The following MARF1 variants were observed in gnomAD, a reference collection of about 807,000 sequenced individuals.
The protein encoded by MARF1 is limkain-b1.
A neutral mutation model predicts 168.2 loss-of-function variants in MARF1; 24 were observed. The observed-to-expected ratio is 0.14, with a 90% CI of 0.10 to 0.20. The LOEUF is 0.20. MARF1 is among the 10% of genes least tolerant of loss of function. MARF1 has a pLI of 1.00. For synonymous variants in MARF1, 868 were observed against 822.4 expected, an observed-to-expected ratio of 1.06 and a Z score of -0.95; for missense variants, 1,744 against 2,143.6, an observed-to-expected ratio of 0.81 and a Z score of 3.68.
intron 23 of MARF1, chr16:15,601,742 A>C: frequency 1.7e-6 from 1 of 574,258 alleles, no homozygotes; most frequent in East Asian, 2.9e-5. Context: ...TCTCCCATTA[A>C]CCAACACCTT....
chr16:15,641,963 A>G (rs775027479), intron 1 of MARF1, among the ~76,000 whole-genome samples: 9 of 152,170 alleles, frequency 5.9e-5, no homozygotes, highest in Non-Finnish European at 1.2e-4. Flanking sequence ...GACCAATTCA[A>G]TGAGGAGAGC....
At chr16:15,610,902 A>T in intron 19 of MARF1, 73 bp downstream of exon 19, 2 of 1,461,998 alleles carry the variant, frequency 1.4e-6, no homozygotes, top group Non-Finnish European at 1.9e-6. Flanking sequence ...GGAAAACCAC[A>T]TCTTCCATGC....
rs746118685 is a variant in MARF1, at chr16:15,621,831, G to A, written c.2541C>T (p.Ile847=). ...VVQMENLQDA[I]GAVNSLHRYK... is the part of the protein sequence containing the mutation. ...ATCTGTGGAGGCTATTCACTGCACC[G>A]ATCGCATCTTGTAAGTTTTCCATTT... Residue 847 remains isoleucine (I), a synonymous_variant, in exon 12 of 27, where the codon ATC becomes ATT. Coordinates refer to ENST00000396368, the MANE Select transcript of MARF1 (RefSeq NM_014647.4). The A allele has an allele frequency of 5.6e-6, 9 of 1,613,962 alleles. No homozygotes were observed. The highest frequency in any genetic ancestry group is 4.4e-5 in the South Asian group (4 of 91,076).
At position 15,635,746 on chromosome 16, in the gene MARF1, C is replaced by T. The variant is rs765342395; in HGVS notation, c.741G>A (p.Thr247=). Residue 247 remains threonine, a synonymous_variant, in exon 3 of 27, where the codon ACG becomes ACA. Transcript: ENST00000396368. ...GCAAAGAGTTGGTGCACAAGTGAGG[C>T]GTTAGCTCCGACTGTGAAATGTGCT... ...LEEHISQSEL[T]PHLCTNSLHL... 1.1e-5 allele frequency: 17 copies of T among 1,614,078 alleles called. No individual in the cohort carries two copies. In the African/African-American group the frequency reaches 1.1e-4, roughly 10 times the overall value.
At position 15,609,702 on chromosome 16, in the gene MARF1, T is replaced by C; in HGVS notation, c.3775A>G (p.Arg1259Gly). The part of the protein sequence containing the change: ...KRERTQDEIE[R>G]TKQFSKDVVD... ...ACATCCTTGGAGAACTGTTTTGTCC[T>C]TTCTATTTCATCCTGAGTGCGTTCT... Residue 1259 changes from arginine to glycine, a missense_variant, in exon 20 of 27, where the codon AGG becomes GGG. Around this residue, in one of 7 missense-constraint regions of MARF1, gnomAD observed 543 missense variants for 742.1 expected, o/e 0.73. Coordinates refer to ENST00000396368, the MANE Select transcript of MARF1 (RefSeq NM_014647.4). 6.2e-7 allele frequency: 1 copy of C among 1,614,048 alleles called. No homozygotes were observed. The highest frequency in any genetic ancestry group is 8.5e-7 in the Non-Finnish European group (1 of 1,179,960).
intron 2 of MARF1, among the ~76,000 whole-genome samples, chr16:15,637,013 G>A (rs189760806): frequency 2.6e-5 from 4 of 152,274 alleles, no homozygotes; most frequent in African/African-American, 2.4e-5. Flanking sequence ...TTTGCCACAT[G>A]ACTCCAACAC....
chr16:15,611,133 T>C (rs1390762076), intron 18 of MARF1, 25 bp from the exon 19 acceptor site: 4 of 1,611,608 alleles, frequency 2.5e-6, no homozygotes, highest in East Asian at 2.2e-5. Flanking sequence ...CGGAAGTGGA[T>C]ACGGAATGAG....
chr16:15,634,012 G>A (rs1245273386), intron 4 of MARF1, among the ~76,000 whole-genome samples, 169 bp from the exon 5 acceptor site: 2 of 152,154 alleles, frequency 1.3e-5, no homozygotes, highest in African/African-American at 4.8e-5. Flanking sequence ...CAATCAAGCT[G>A]TCAAAAAGTA....
chr16:15,597,576 A>G (rs1475230811), intron 26 of MARF1, among the ~76,000 whole-genome samples: 1 of 152,184 alleles, frequency 6.6e-6, no homozygotes, highest in Non-Finnish European at 1.5e-5. Flanking sequence ...GAGATGCATC[A>G]TTATGCCTTA....
intron 7 of MARF1, chr16:15,630,109 T>C: frequency 2.4e-6 from 1 of 409,378 alleles, no homozygotes; most frequent in East Asian, 3.6e-5. Context: ...TACAAGTCAA[T>C]TTCATATGAT....
chr16:15,602,382 G>A, intron 22 of MARF1, 179 bp from the exon 23 acceptor site: 1 of 622,168 alleles, frequency 1.6e-6, no homozygotes, highest in Non-Finnish European at 2.8e-6. Context: ...CGAAGAAGAA[G>A]GAGACGACAA....
At chr16:15,632,762 T>C (rs893319836) in intron 5 of MARF1, among the ~76,000 whole-genome samples, 1 of 152,200 alleles carries the variant, frequency 6.6e-6, no homozygotes, top group African/African-American at 2.4e-5. Context: ...ATATGGACTA[T>C]CAATATAATT....
At chr16:15,622,855 T>C in intron 11 of MARF1, 79 bp downstream of exon 11, 1 of 1,168,984 alleles carries the variant, frequency 8.6e-7, no homozygotes, top group Non-Finnish European at 1.2e-6. Flanking sequence ...GCTGTGGTTA[T>C]GTATATCAAA....
In MARF1 at chr16:15,624,767, A is replaced by G; in HGVS notation, c.2270+2T>C. The G allele has an allele frequency of 6.2e-7, 1 of 1,613,762 alleles. No individual in the cohort carries two copies. The highest frequency in any genetic ancestry group is 8.5e-7 in the Non-Finnish European group (1 of 1,179,856). The stretch of plus-strand genomic sequence containing the variant: ...CCCCATGGGTCAAGAAGCTGGACTC[A>G]CCTAGAAGACCAAGACTGAGATGCG... On this transcript the variant is annotated splice_donor_variant, in intron 10 of 26. Transcript: ENST00000396368. LOFTEE classifies it high-confidence loss of function.
rs1176034710 is a variant in MARF1 at position 15,636,245 on chromosome 16, G to C, written c.242C>G (p.Pro81Arg). The change falls in exon 3 of 27, where the codon CCT (proline) becomes CGT (arginine). Residue 81 changes from proline to arginine, a missense_variant. Pro to Arg is a moderately radical substitution (Grantham distance 103). This residue lies in a region of MARF1 where 318 missense variants were observed against 336.6 expected (regional missense o/e 0.94). Coordinates refer to ENST00000396368, the MANE Select transcript of MARF1 (RefSeq NM_014647.4). ...AGGCTGCTGAAGAGAACGAATATCA[G>C]GAAGTGGGACTGCTGGAAAAAGCTT... ...GSKLFPAVPL[P>R]DIRSLQQPKI... 1 of 1,614,176 alleles carries C rather than the reference G, an allele frequency of 6.2e-7. No homozygotes were observed. The highest frequency in any genetic ancestry group is 1.7e-5 in the Admixed American group (1 of 60,010).
rs1192988250 is a variant in MARF1, at chr16:15,626,114, G to C, written c.1525-314C>G. 5.9e-5 allele frequency among the ~76,000 whole-genome samples: 9 copies of C among 152,142 alleles called. No individual in the cohort carries two copies. In the South Asian group the frequency reaches 8.3e-4, roughly 14 times the overall value. On this transcript the variant is annotated intron_variant, in intron 7 of 26. Transcript: ENST00000396368. ...CACTCCACTCTGAGTGACAGAGTGA[G>C]ACACTGTCTCAAAAAATAAAAATAA... is the stretch of plus-strand genomic sequence containing the variant.
intron 17 of MARF1, 49 bp downstream of exon 17, chr16:15,612,508 T>A (rs777621863): frequency 6.0e-5 from 90 of 1,499,966 alleles, no homozygotes; most frequent in Non-Finnish European, 7.9e-5. Flanking sequence ...GCCAAAGCCA[T>A]GGAGGAACAT....
chr16:15,639,938 G>A (rs369428224), intron 1 of MARF1, among the ~76,000 whole-genome samples: 1 of 152,202 alleles, frequency 6.6e-6, no homozygotes, highest in South Asian at 2.1e-4. Context: ...CTTTCCACAT[G>A]TAACCATGTT....
intron 7 of MARF1, among the ~76,000 whole-genome samples, chr16:15,628,221 G>C (rs2035006698): frequency 6.6e-6 from 1 of 152,026 alleles, no homozygotes; most frequent in Non-Finnish European, 1.5e-5. Flanking sequence ...TTTTCCAAAA[G>C]CCACAGAACA....
Sources: gnomAD v4.1 joint callset for allele counts (sites outside exome capture counted in the v4.1 genomes callset) on GRCh38, gnomAD v4.1.1 for gene constraint, gnomAD v4.1.1 regional missense constraint, MANE v1.5 for transcripts, NCBI Gene and HGNC (gene_info 2026-07-23, HGNC 2026-07-21) for gene names.